The following FAM216A variants were observed in gnomAD, a reference collection of about 807,000 sequenced individuals.
FAM216A encodes protein FAM216A.
Under a neutral mutation model 37.6 loss-of-function variants are expected in FAM216A, and 26 were observed. The observed-to-expected ratio is 0.69, with a 90% confidence interval of 0.51 to 0.96. The LOEUF (loss-of-function observed/expected upper bound fraction) is 0.96, where lower values mean the gene tolerates loss of function less well. FAM216A is among the 40% of genes least tolerant of loss of function. The pLI, the probability that FAM216A is intolerant of heterozygous loss-of-function variation, is 0.00. For synonymous variants in FAM216A, 110 were observed against 121.7 expected, an observed-to-expected ratio of 0.90 and a Z score of 0.64; for missense variants, 326 against 339.3, an observed-to-expected ratio of 0.96 and a Z score of 0.31.
intron 1 of FAM216A, among the ~76,000 whole-genome samples, chr12:110,472,315 C>T (rs2062691125): frequency 6.6e-6 from 1 of 151,858 alleles, no homozygotes; most frequent in African/African-American, 2.4e-5. Flanking sequence ...AAGATAATCA[C>T]ATGGATAGCC....
intron 6 of FAM216A, among the ~76,000 whole-genome samples, chr12:110,488,749 T>G (rs2062791627): frequency 6.6e-6 from 1 of 152,218 alleles, no homozygotes; most frequent in African/African-American, 2.4e-5. Context: ...ACCCTATACT[T>G]TGTTATTTCC....
At position 110,486,352 on chromosome 12, in the gene FAM216A, C is replaced by T. The variant is rs746599898; in HGVS notation, c.334C>T (p.Arg112Cys). 1.8e-5 allele frequency: 29 copies of T among 1,613,128 alleles called. No individual in the cohort carries two copies. Among genetic ancestry groups the T allele is most frequent in the Non-Finnish European group, 2.1e-5 (25 of 1,179,426 alleles). The stretch of plus-strand genomic sequence containing the variant: ...TCCAGACCTCACCACAGGCCAGAAG[C>T]GTTACCTGTGCAGCATTGCTAAAAT... ...KHPDLTTGQK[R>C]YLCSIAKIYN... Residue 112 changes from arginine to cysteine, a missense_variant, in exon 4 of 7, where the codon CGT becomes TGT. Arg to Cys is a radical substitution (Grantham distance 180). Coordinates refer to ENST00000377673, the MANE Select transcript of FAM216A (RefSeq NM_013300.3).
rs1036841765 is a variant in FAM216A, at chr12:110,479,460, C to T, written c.185-5618C>T. 2.6e-5 allele frequency among the ~76,000 whole-genome samples: 4 copies of T among 151,402 alleles called. No individual in the cohort carries two copies. In the East Asian group the frequency reaches 7.8e-4, roughly 29 times the overall value. On this transcript the variant is annotated intron_variant, in intron 2 of 6. Transcript: ENST00000377673. Reference sequence around the variant, plus strand: ...CAAAAGTGTGAGACCTGCTTATTAACTACAATATATTATTTGCTTCGTCCT... The same window carrying T: ...CAAAAGTGTGAGACCTGCTTATTAATTACAATATATTATTTGCTTCGTCCT...
chr12:110,479,865 A>G (rs954917014), intron 2 of FAM216A, among the ~76,000 whole-genome samples: 1 of 151,736 alleles, frequency 6.6e-6, no homozygotes, highest in African/African-American at 2.4e-5. Flanking sequence ...ACAAAAAACA[A>G]AACAACAAAA....
intron 2 of FAM216A, among the ~76,000 whole-genome samples, chr12:110,476,488 G>T (rs573880254): frequency 1.6e-4 from 25 of 151,976 alleles, no homozygotes; most frequent in South Asian, 1.0e-3. Flanking sequence ...GATTACAGGT[G>T]TGAGCCACCG....
intron 2 of FAM216A, among the ~76,000 whole-genome samples, chr12:110,476,581 T>G (rs1447391517): frequency 6.6e-6 from 1 of 151,020 alleles, no homozygotes; most frequent in African/African-American, 2.4e-5. Context: ...GGCTGGAGTG[T>G]TGTTGCACAA....
At chr12:110,482,591 C>T (rs182624351) in intron 2 of FAM216A, among the ~76,000 whole-genome samples, 1,523 of 151,004 alleles carry the variant, frequency 0.01, 87 homozygotes, top group Admixed American at 0.086. Context: ...CTCAGGAGAT[C>T]GAGACCATCC....
intron 2 of FAM216A, among the ~76,000 whole-genome samples, chr12:110,484,448 A>AC (rs1239609796): frequency 6.7e-6 from 1 of 148,800 alleles, no homozygotes; most frequent in Non-Finnish European, 1.5e-5. Context: ...AAAAAAAAAA[A>AC]AAAAAAACTA....
intron 2 of FAM216A, among the ~76,000 whole-genome samples, chr12:110,474,690 T>A (rs191506092): frequency 0.016 from 840 of 53,654 alleles, 8 homozygotes; most frequent in African/African-American, 0.067. Context: ...AGACTCTGTC[T>A]CAAAAAAAAA....
intron 2 of FAM216A, among the ~76,000 whole-genome samples, chr12:110,483,395 T>C (rs1409472025): frequency 1.3e-5 from 2 of 151,944 alleles, no homozygotes; most frequent in African/African-American, 4.8e-5. Context: ...AAACTGCTAG[T>C]GAAGCTTATA....
intron 2 of FAM216A, among the ~76,000 whole-genome samples, chr12:110,477,831 C>T (rs1341987344): frequency 6.6e-6 from 1 of 152,040 alleles, no homozygotes; most frequent in Non-Finnish European, 1.5e-5. Flanking sequence ...CCTCAGCCTC[C>T]CGAGTAGCTG....
chr12:110,481,967 T>A (rs1188683601), intron 2 of FAM216A, among the ~76,000 whole-genome samples: 1 of 152,198 alleles, frequency 6.6e-6, no homozygotes, highest in Admixed American at 6.5e-5. Flanking sequence ...ACCTGTAGTA[T>A]CCAACTTGCC....
chr12:110,482,728 G>A (rs2062754556), intron 2 of FAM216A, among the ~76,000 whole-genome samples: 1 of 150,992 alleles, frequency 6.6e-6, no homozygotes, highest in African/African-American at 2.4e-5. Context: ...CTGGGAGGCG[G>A]AGCTTGCAGT....
chr12:110,475,815 C>T (rs1053240379), intron 2 of FAM216A, among the ~76,000 whole-genome samples: 1 of 152,090 alleles, frequency 6.6e-6, no homozygotes, highest in Non-Finnish European at 1.5e-5. Context: ...CGGCTCACTG[C>T]AGCCTCCACC....
chr12:110,471,058 C>G (rs1303017114), intron 1 of FAM216A, among the ~76,000 whole-genome samples: 1 of 152,062 alleles, frequency 6.6e-6, no homozygotes, highest in Non-Finnish European at 1.5e-5. Context: ...CCAAAAATCC[C>G]ATTATTAACT....
rs151005221 is a variant in FAM216A at position 110,485,484 on chromosome 12, G to A, written c.306+285G>A. ...CCAACCACAGAGATGCTCAAGAAAA[G>A]TTCCATCTTTTCTTGAAAATAGAAA... On this transcript the variant is annotated intron_variant, in intron 3 of 6. Coordinates refer to ENST00000377673, the MANE Select transcript of FAM216A (RefSeq NM_013300.3). 2.1e-3 allele frequency among the ~76,000 whole-genome samples: 326 copies of A among 152,096 alleles called. 1 individual carries two copies. Among genetic ancestry groups the A allele is most frequent in the African/African-American group, 7.5e-3 (313 of 41,510 alleles).
Position 110,490,072 on chromosome 12 carries a change from TTAC to T in FAM216A, c.760_762del (p.Leu254del). On this transcript the variant is annotated inframe_deletion, in exon 7 of 7. Transcript: ENST00000377673. ...GAGTGAAGAAAAAAAGGAAGAAGAT[TTAC>T]TAAATAATTTTATGCAATCAATGTC... 1 of 1,569,696 alleles carries T rather than the reference TTAC, an allele frequency of 6.4e-7. No homozygotes were observed. Among genetic ancestry groups the T allele is most frequent in the East Asian group, 2.2e-5 (1 of 44,642 alleles).
chr12:110,484,813 C>T (rs529485247), intron 2 of FAM216A, among the ~76,000 whole-genome samples: 46 of 151,442 alleles, frequency 3.0e-4, no homozygotes, highest in African/African-American at 1.0e-3. Flanking sequence ...ACTGCAGTGG[C>T]GCTATCCTGG....
At chr12:110,479,948 A>C (rs1325139931) in intron 2 of FAM216A, among the ~76,000 whole-genome samples, 1 of 152,068 alleles carries the variant, frequency 6.6e-6, no homozygotes, top group African/African-American at 2.4e-5. Flanking sequence ...TAGTCCAAGC[A>C]GTATATTCAA....
Sources: gnomAD v4.1 joint callset for allele counts (sites outside exome capture counted in the v4.1 genomes callset) on GRCh38, gnomAD v4.1.1 for gene constraint, MANE v1.5 for transcripts, NCBI Gene and HGNC (gene_info 2026-07-23, HGNC 2026-07-21) for gene names.